The following HTR2C variants were observed in gnomAD, a reference collection of about 807,000 sequenced individuals.
The protein encoded by HTR2C is 5-hydroxytryptamine receptor 2C.
In HTR2C, 5 loss-of-function variants were observed where a neutral mutation model predicts 21.0. The observed-to-expected ratio is 0.24, with a 90% CI of 0.12 to 0.50. HTR2C has a LOEUF of 0.50. Ranked by LOEUF, HTR2C falls within the 20% of genes least tolerant of loss-of-function variation. The pLI is 0.98. For missense variants in HTR2C, 271 were observed against 371.2 expected (o/e 0.73, Z 2.22); for synonymous variants, 150 against 145.3 (o/e 1.03, Z -0.23).
intron 4 of HTR2C, among the ~76,000 whole-genome samples, chrX:114,784,120 A>C (rs1318010560): frequency 7.4e-5 from 8 of 107,919 alleles, no homozygotes; most frequent in Non-Finnish European, 3.8e-5. Context: ...TATCAAATCA[A>C]ACCAAACATT....
intron 4 of HTR2C, among the ~76,000 whole-genome samples, chrX:114,843,347 CAT>C (rs1340109696): frequency 2.3e-4 from 26 of 111,563 alleles, no homozygotes; most frequent in African/African-American, 7.1e-4. Flanking sequence ...GAAAAATTCA[CAT>C]GAGGGAATCA....
At chrX:114,661,736 G>C (rs1443490274) in intron 2 of HTR2C, among the ~76,000 whole-genome samples, 1 of 111,125 alleles carries the variant, frequency 9.0e-6, no homozygotes, top group African/African-American at 3.3e-5. Context: ...TTGGCGTCCA[G>C]AGATCTCAAA....
intron 4 of HTR2C, among the ~76,000 whole-genome samples, chrX:114,745,789 C>T (rs888170961): frequency 1.6e-4 from 18 of 109,985 alleles, no homozygotes; most frequent in South Asian, 3.9e-4. Flanking sequence ...AGTAGAAGGA[C>T]GGTTACCAGA....
intron 4 of HTR2C, among the ~76,000 whole-genome samples, chrX:114,806,523 T>C (rs1195048232): frequency 2.1e-5 from 2 of 93,254 alleles, no homozygotes; most frequent in African/African-American, 7.7e-5. Flanking sequence ...ACACCACATA[T>C]ATACACCATA....
At chrX:114,682,472 A>G (rs1931778769) in intron 2 of HTR2C, among the ~76,000 whole-genome samples, 1 of 111,384 alleles carries the variant, frequency 9.0e-6, no homozygotes, top group Non-Finnish European at 1.9e-5. Context: ...CCATATGTAA[A>G]TGTGCTTTTT....
chrX:114,803,281 G>A (rs1336733006), intron 4 of HTR2C, among the ~76,000 whole-genome samples: 2 of 43,921 alleles, frequency 4.6e-5, no homozygotes, highest in African/African-American at 1.2e-4. Flanking sequence ...GGCATTTCTA[G>A]TTCTAGATCC....
chrX:114,819,367 A>C (rs2070611950), intron 4 of HTR2C, among the ~76,000 whole-genome samples: 1 of 111,958 alleles, frequency 8.9e-6, no homozygotes, highest in South Asian at 3.7e-4. Flanking sequence ...AAAAAAATTT[A>C]TTTCTTATAA....
At chrX:114,858,483 A>G (rs781908094) in intron 5 of HTR2C, among the ~76,000 whole-genome samples, 1 of 111,372 alleles carries the variant, frequency 9.0e-6, no homozygotes, top group South Asian at 3.7e-4. Flanking sequence ...AAATATTTCT[A>G]GTTGCTTGCT....
chrX:114,586,321 A>G (rs371193275), intron 1 of HTR2C, among the ~76,000 whole-genome samples: 10 of 111,903 alleles, frequency 8.9e-5, no homozygotes, highest in East Asian at 2.8e-4. Context: ...AGGTGGGGGG[A>G]AATAAATAAT....
intron 2 of HTR2C, among the ~76,000 whole-genome samples, chrX:114,622,785 A>C (rs781890765): frequency 8.9e-6 from 1 of 111,944 alleles, no homozygotes; most frequent in African/African-American, 3.2e-5. Context: ...CAAAGGGAGA[A>C]TTTCCGCTTT....
intron 4 of HTR2C, among the ~76,000 whole-genome samples, chrX:114,806,266 TACACCATATATATAC>T (rs1382553304): frequency 9.1e-5 from 9 of 98,979 alleles, no homozygotes; most frequent in East Asian, 3.2e-4. Context: ...ACCACATATA[TACACCATATATATAC>T]ACACCATATA....
chrX:114,593,348 AGCCTCCTGATTAGCTGGGACCACAGGT>A (rs1413056811), intron 1 of HTR2C, among the ~76,000 whole-genome samples: 11 of 111,659 alleles, frequency 9.9e-5, no homozygotes, highest in African/African-American at 3.6e-4. Flanking sequence ...CTACTGCCTC[AGCCTCCTGATTAGCTGGGACCACAGGT>A]GCATGCCACT....
intron 5 of HTR2C, among the ~76,000 whole-genome samples, chrX:114,849,552 C>T (rs193022432): frequency 7.2e-4 from 81 of 111,929 alleles, no homozygotes; most frequent in African/African-American, 2.5e-3. Context: ...ATTTCAGACT[C>T]GCAAGCAATG....
At chrX:114,751,464 G>C (rs1482245142) in intron 4 of HTR2C, among the ~76,000 whole-genome samples, 3 of 111,796 alleles carry the variant, frequency 2.7e-5, no homozygotes, top group Non-Finnish European at 3.8e-5. Flanking sequence ...CATTTAAAAG[G>C]CAGGAGAAGA....
At chrX:114,810,690 C>T (rs947963165) in intron 4 of HTR2C, among the ~76,000 whole-genome samples, 3 of 108,763 alleles carry the variant, frequency 2.8e-5, no homozygotes, top group African/African-American at 1.0e-4. Flanking sequence ...CTCTCCAGTG[C>T]CTCTTTCCTT....
At chrX:114,901,661 T>G (rs1213460752) in intron 5 of HTR2C, among the ~76,000 whole-genome samples, 12 of 111,700 alleles carry the variant, frequency 1.1e-4, no homozygotes, top group African/African-American at 3.9e-4. Flanking sequence ...TAATAACCAC[T>G]TTTCAGAGAT....
chrX:114,762,147 G>A (rs2069885554), intron 4 of HTR2C, among the ~76,000 whole-genome samples: 1 of 109,001 alleles, frequency 9.2e-6, no homozygotes, highest in African/African-American at 3.3e-5. Context: ...TCTGGATTTT[G>A]TAATTTTGTC....
At chrX:114,859,596 G>C (rs1381404334) in intron 5 of HTR2C, among the ~76,000 whole-genome samples, 1 of 110,318 alleles carries the variant, frequency 9.1e-6, no homozygotes, top group Non-Finnish European at 1.9e-5. Flanking sequence ...TTTGTGTTTA[G>C]TTTACTAAGA....
chrX:114,870,950 G>T (rs1556476349), intron 5 of HTR2C, among the ~76,000 whole-genome samples: 1 of 110,058 alleles, frequency 9.1e-6, no homozygotes, highest in Non-Finnish European at 1.9e-5. Flanking sequence ...CATTTCTTCT[G>T]CTAATTTTGG....
Sources: gnomAD v4.1 joint callset for allele counts (sites outside exome capture counted in the v4.1 genomes callset) on GRCh38, gnomAD v4.1.1 for gene constraint, MANE v1.5 for transcripts, NCBI Gene and HGNC (gene_info 2026-07-23, HGNC 2026-07-21) for gene names.